PUM2: variants seen among roughly 807,000 people sequenced by gnomAD.
PUM2 encodes pumilio RNA binding family member 2.
PUM2 carries 57 observed loss-of-function variants against 124.5 expected under a neutral mutation model. That is an observed-to-expected ratio of 0.46 (90% CI 0.37 to 0.57). The LOEUF is 0.57. Among genes scored for constraint, PUM2 ranks in the 20% least tolerant of loss-of-function variants. PUM2 has a pLI of 0.00. For synonymous variants in PUM2, 460 were observed against 446.1 expected, an observed-to-expected ratio of 1.03 and a Z score of -0.39; for missense variants, 1,065 against 1,290.6, an observed-to-expected ratio of 0.83 and a Z score of 2.68.
rs1664498313 is a variant in PUM2, at chr2:20,255,259, G to C, written c.2705C>G (p.Pro902Arg). Reference sequence around the variant, plus strand: ...ATGTTGGTGGAGTTCTTCTAAGATAGGTAAGGTCTGTTCTGCAGTGCAATG... The same window carrying C: ...ATGTTGGTGGAGTTCTTCTAAGATACGTAAGGTCTGTTCTGCAGTGCAATG... ...LEHCTAEQTLPILEELHQHTE... is the reference protein window; with the variant it reads ...LEHCTAEQTLRILEELHQHTE... The change falls in exon 18 of 21, where the codon CCT becomes CGT. Residue 902 changes from proline to arginine, a missense_variant. By Grantham distance (103) the Pro-to-Arg change is moderately radical (BLOSUM62 -2). Around this residue, in one of 3 missense-constraint regions of PUM2, gnomAD observed 968 missense variants for 1,159.8 expected, o/e 0.83. Transcript: ENST00000361078. 1.2e-6 allele frequency: 2 copies of C among 1,604,526 alleles called. No individual in the cohort carries two copies. The highest frequency in any genetic ancestry group is 1.7e-6 in the Non-Finnish European group (2 of 1,171,504).
chr2:20,316,555 A>G (rs917678386), intron 3 of PUM2, among the ~76,000 whole-genome samples: 7 of 152,156 alleles, frequency 4.6e-5, no homozygotes, highest in African/African-American at 1.7e-4. Context: ...CGCCTCTCAG[A>G]TTTTACTAAC....
chr2:20,275,873 T>C (rs547211018), intron 13 of PUM2, among the ~76,000 whole-genome samples: 2 of 152,182 alleles, frequency 1.3e-5, no homozygotes, highest in South Asian at 4.2e-4. Context: ...CATTAAGACA[T>C]ATCAAACAAA....
intron 20 of PUM2, among the ~76,000 whole-genome samples, chr2:20,252,677 C>T (rs1663734120): frequency 6.6e-6 from 1 of 151,906 alleles, no homozygotes; most frequent in African/African-American, 2.4e-5. Context: ...TTATTAGATT[C>T]TAGGAGGAGG....
At chr2:20,264,502 T>C (rs1667190475) in intron 13 of PUM2, among the ~76,000 whole-genome samples, 1 of 150,202 alleles carries the variant, frequency 6.7e-6, no homozygotes, top group South Asian at 2.1e-4. Context: ...TTAACTTACA[T>C]TCCGTTCCAA....
At chr2:20,304,690 T>G (rs923408542) in intron 7 of PUM2, among the ~76,000 whole-genome samples, 1 of 152,212 alleles carries the variant, frequency 6.6e-6, no homozygotes, top group African/African-American at 2.4e-5. Flanking sequence ...ATAGTCACTG[T>G]GCATTTAAAA....
rs143307620 is a variant in PUM2 at position 20,298,548 on chromosome 2, T to C, written c.884-870A>G. Among the ~76,000 whole-genome samples the C allele has an allele frequency of 2.6e-3, 392 of 152,290 alleles. 1 individual carries two copies. The highest frequency in any genetic ancestry group is 3.5e-3 in the Non-Finnish European group (237 of 68,020). ...AACCACAGCTACTGGAAAAAATTAC[T>C]TCACGAGACCCTGTCTCAAAAATAA... is the stretch of plus-strand genomic sequence containing the variant. On this transcript the variant is annotated intron_variant, in intron 7 of 20. Transcript: ENST00000361078.
intron 9 of PUM2, among the ~76,000 whole-genome samples, chr2:20,291,406 C>T (rs938263761): frequency 3.3e-5 from 5 of 152,204 alleles, no homozygotes; most frequent in Non-Finnish European, 7.3e-5. Context: ...CTGCTGTGAC[C>T]CACATATCCT....
chr2:20,251,879 T>C (rs1187704903), intron 20 of PUM2, among the ~76,000 whole-genome samples, 163 bp from the exon 21 acceptor site: 1 of 152,200 alleles, frequency 6.6e-6, no homozygotes, highest in East Asian at 1.9e-4. Flanking sequence ...ATCTGCTCAA[T>C]CCCTCCAAAC....
chr2:20,349,903 T>C (rs1219822252), intron 1 of PUM2, among the ~76,000 whole-genome samples: 1 of 152,236 alleles, frequency 6.6e-6, no homozygotes, highest in Non-Finnish European at 1.5e-5. Flanking sequence ...TGGCTGTGTT[T>C]TCAGAAACAA....
chr2:20,326,351 T>C (rs535228195), intron 2 of PUM2: 216 of 1,304,262 alleles, frequency 1.7e-4, no homozygotes, highest in Non-Finnish European at 2.1e-4. Context: ...TGCCCTCTTG[T>C]GGCCCAAAGG....
At chr2:20,259,566 A>G (rs192930585) in intron 15 of PUM2, among the ~76,000 whole-genome samples, 48 of 152,312 alleles carry the variant, frequency 3.2e-4, no homozygotes, top group African/African-American at 1.1e-3. Context: ...GTTTCACTTA[A>G]GTTAGTATTT....
At chr2:20,261,530 T>TAAAAA (rs199675974) in intron 14 of PUM2, among the ~76,000 whole-genome samples, 1 of 139,040 alleles carries the variant, frequency 7.2e-6, no homozygotes, top group Non-Finnish European at 1.6e-5. Flanking sequence ...TCCACTTGTT[T>TAAAAA]AAAAAAAAAA....
intron 13 of PUM2, among the ~76,000 whole-genome samples, chr2:20,271,486 G>T (rs1668998750): frequency 6.6e-6 from 1 of 151,958 alleles, no homozygotes; most frequent in Non-Finnish European, 1.5e-5. Context: ...GCTAATTTTT[G>T]TATTTTTAAT....
At position 20,311,635 on chromosome 2, in the gene PUM2, G is replaced by A; in HGVS notation, c.377C>T (p.Pro126Leu). ...CTTGCCTTTTTGATCTCCTTTCTCA[G>A]GTCCATCTGTTTCAGCATCTCTAGT... is the stretch of plus-strand genomic sequence containing the variant. ...FGTRDAETDG[P>L]EKGDQKGKAS... The change falls in exon 5 of 21, where the codon CCT (proline) becomes CTT (leucine). Residue 126 changes from proline (P) to leucine (L), a missense_variant. By Grantham distance (98) the Pro-to-Leu change is moderately conservative. This residue lies in a region of PUM2 where 968 missense variants were observed against 1,159.8 expected (regional missense o/e 0.83). Transcript: ENST00000361078. The A allele has an allele frequency of 3.1e-6, 5 of 1,612,944 alleles. No individual in the cohort carries two copies. Among genetic ancestry groups the A allele is most frequent in the Non-Finnish European group, 4.2e-6 (5 of 1,179,530 alleles).
At chr2:20,261,117 G>T (rs114461163) in intron 14 of PUM2, among the ~76,000 whole-genome samples, 228 of 152,256 alleles carry the variant, frequency 1.5e-3, no homozygotes, top group African/African-American at 5.3e-3. Flanking sequence ...ATGGCCGGGT[G>T]CAGTGGCTCA....
At chr2:20,331,235 T>C (rs936021201) in intron 1 of PUM2, among the ~76,000 whole-genome samples, 1 of 151,998 alleles carries the variant, frequency 6.6e-6, no homozygotes, top group Admixed American at 6.6e-5. Context: ...TGAGAAACTT[T>C]TGATTCCTTG....
chr2:20,279,950 CT>C (rs1671116162), intron 12 of PUM2, among the ~76,000 whole-genome samples: 1 of 152,112 alleles, frequency 6.6e-6, no homozygotes, highest in South Asian at 2.1e-4. Flanking sequence ...ATTTCTGAAC[CT>C]GCCAAATACA....
intron 1 of PUM2, among the ~76,000 whole-genome samples, chr2:20,335,078 CACCCCCAGCAAA>C (rs1685715972): frequency 6.6e-6 from 1 of 152,100 alleles, no homozygotes; most frequent in Non-Finnish European, 1.5e-5. Context: ...TGCATGCCAC[CACCCCCAGCAAA>C]TTTTTGTATT....
intron 5 of PUM2, among the ~76,000 whole-genome samples, chr2:20,309,125 GAA>G (rs772304824): frequency 6.6e-6 from 1 of 152,068 alleles, no homozygotes; most frequent in South Asian, 2.1e-4. Context: ...GATGCAACAG[GAA>G]AAGAGTACTA....
Sources: gnomAD v4.1 joint callset for allele counts (sites outside exome capture counted in the v4.1 genomes callset) on GRCh38, gnomAD v4.1.1 for gene constraint, gnomAD v4.1.1 regional missense constraint, MANE v1.5 for transcripts, NCBI Gene and HGNC (gene_info 2026-07-23, HGNC 2026-07-21) for gene names.